The following WDR46 variants were observed in gnomAD, a reference collection of about 807,000 sequenced individuals.
WDR46 encodes WD repeat domain 46.
Under a neutral mutation model 74.7 loss-of-function variants are expected in WDR46, and 58 were observed. The observed-to-expected ratio is 0.78, with a 90% CI of 0.63 to 0.97. The LOEUF (loss-of-function observed/expected upper bound fraction) is 0.97. Ranked by LOEUF, WDR46 falls within the 50% of genes least tolerant of loss-of-function variation. The probability of loss-of-function intolerance (pLI) is 0.00; values close to 1 mark genes in which losing one functional copy is unlikely to be tolerated. For synonymous variants in WDR46, 278 were observed against 297.3 expected (o/e 0.93, Z 0.67); for missense variants, 702 against 790.1 (o/e 0.89, Z 1.34).
chr6:33,282,581 C>T (rs977606773), intron 10 of WDR46, among the ~76,000 whole-genome samples: 1 of 152,206 alleles, frequency 6.6e-6, no homozygotes, highest in Non-Finnish European at 1.5e-5. Flanking sequence ...TACCAGAACA[C>T]CTCTTAAGAA....
intron 10 of WDR46, among the ~76,000 whole-genome samples, chr6:33,282,610 C>T (rs1054275488): frequency 1.3e-5 from 2 of 152,240 alleles, no homozygotes; most frequent in African/African-American, 4.8e-5. Context: ...AGCCTCATCA[C>T]TGGAGCCCCC....
In WDR46 at chr6:33,280,448, C is replaced by A; in HGVS notation, c.1504G>T (p.Val502Leu). The change falls in exon 12 of 15, where the codon GTG (valine) becomes TTG (leucine). Residue 502 changes from valine (V) to leucine (L), a missense_variant. Coordinates refer to ENST00000374617, the MANE Select transcript of WDR46 (RefSeq NM_005452.6). Reference protein sequence around the residue: ...RSRKQRQEWEVKALLEKVPAE... With the variant: ...RSRKQRQEWELKALLEKVPAE... The stretch of plus-strand genomic sequence containing the variant: ...CTCACCTTCTCTAGCAGGGCCTTCA[C>A]CTCCCACTCCTGGCGCTGCTTCCGG... 1 of 1,586,014 alleles carries A rather than the reference C, an allele frequency of 6.3e-7. No individual in the cohort carries two copies. The highest frequency in any genetic ancestry group is 8.6e-7 in the Non-Finnish European group (1 of 1,164,608).
rs1289145103 is a variant in WDR46, at chr6:33,286,816, A to G, written c.1094T>C (p.Val365Ala). The G allele has an allele frequency of 1.2e-6, 2 of 1,614,112 alleles. No homozygotes were observed. The highest frequency in any genetic ancestry group is 1.3e-5 in the African/African-American group (1 of 75,016). The change falls in exon 10 of 15, where the codon GTG (valine) becomes GCG (alanine). Residue 365 changes from valine (V) to alanine (A), a missense_variant. By Grantham distance (64) the Val-to-Ala change is moderately conservative. Coordinates refer to ENST00000374617, the MANE Select transcript of WDR46 (RefSeq NM_005452.6). Reference protein sequence around the residue: ...ILCHRGGVRAVAVDSTGTYMA... With the variant: ...ILCHRGGVRAAAVDSTGTYMA... ...TTACGTGCCTGTAGAATCTACTGCC[A>G]CAGCCCGGACCCCACCACGATGACA...
Position 33,287,349 on chromosome 6 carries a change from A to T in WDR46, c.879+6T>A, listed in dbSNP as rs1766749833. On this transcript the variant is annotated splice_donor_region_variant and intron_variant, in intron 8 of 14. Transcript: ENST00000374617. ...CAACCAGTTCCTGAGCTCCATGGCC[A>T]CTCACAGCTGTAGCCAGGAGGAAGT... 6.2e-7 allele frequency: 1 copy of T among 1,612,416 alleles called. No homozygotes were observed.
intron 10 of WDR46, among the ~76,000 whole-genome samples, chr6:33,285,269 C>G (rs746418496): frequency 6.6e-6 from 1 of 151,832 alleles, no homozygotes; most frequent in Non-Finnish European, 1.5e-5. Context: ...GTGGCATGAT[C>G]ACAGCTCACT....
Position 33,280,855 on chromosome 6 carries a change from C to T in WDR46, c.1248G>A (p.Val416=), listed in dbSNP as rs757130981. The change falls in exon 11 of 15, where the codon GTG becomes GTA. Residue 416 remains valine, a synonymous_variant. Coordinates refer to ENST00000374617, the MANE Select transcript of WDR46 (RefSeq NM_005452.6). ...TGTTGACAACGTCACCCATTCCCGC[C>T]ACCAGCAGTCCCCTCTGGGAGAAGG... ...HLAFSQRGLL[V]AGMGDVVNIW... is the part of the protein sequence containing the mutation. 1 of 1,614,220 alleles carries T rather than the reference C, an allele frequency of 6.2e-7. No homozygotes were observed. The highest frequency in any genetic ancestry group is 2.2e-5 in the East Asian group (1 of 44,880).
At chr6:33,285,793 G>A (rs1766567420) in intron 10 of WDR46, among the ~76,000 whole-genome samples, 1 of 151,596 alleles carries the variant, frequency 6.6e-6, no homozygotes, top group Non-Finnish European at 1.5e-5. Flanking sequence ...CAAAGTGCTG[G>A]GATTACAGGC....
At position 33,288,656 on chromosome 6, in the gene WDR46, C is replaced by T. The variant is rs146022741; in HGVS notation, c.318G>A (p.Val106=). 6.2e-7 allele frequency: 1 copy of T among 1,612,300 alleles called. No homozygotes were observed. The highest frequency in any genetic ancestry group is 8.5e-7 in the Non-Finnish European group (1 of 1,179,454). ...TGCGACAGAACTTCTGGACCACTTC[C>T]ACAGGGACGGGGGCGGGGCCTGGGA... The part of the protein sequence containing the change: ...DPFPGPAPVP[V]EVVQKFCRID... Residue 106 remains valine, a synonymous_variant, in exon 3 of 15, where the codon GTG becomes GTA. Coordinates refer to ENST00000374617, the MANE Select transcript of WDR46 (RefSeq NM_005452.6).
In WDR46 at chr6:33,287,405, G is replaced by C. The variant is rs367702951; in HGVS notation, c.829C>G (p.Arg277Gly). 1.2e-5 allele frequency: 20 copies of C among 1,611,792 alleles called. No individual in the cohort carries two copies. The African/African-American group carries it at 1.8e-4, about 14-fold the overall frequency. Residue 277 changes from arginine (R) to glycine (G), a missense_variant, in exon 8 of 15, where the codon CGA becomes GGA. By Grantham distance (125) the Arg-to-Gly change is moderately radical (BLOSUM62 -2). Coordinates refer to ENST00000374617, the MANE Select transcript of WDR46 (RefSeq NM_005452.6). Reference sequence around the variant, plus strand: ...GGCAGGAACTCAAGCCGTGTTACTCGGTCACAGCGGCGGATACAGTGGAGC... The same window carrying C: ...GGCAGGAACTCAAGCCGTGTTACTCCGTCACAGCGGCGGATACAGTGGAGC... ...IELHCIRRCD[R>G]VTRLEFLPFH...
Position 33,279,544 on chromosome 6 carries a change from C to A in WDR46, c.1687G>T (p.Ala563Ser). The A allele has an allele frequency of 6.2e-7, 1 of 1,614,108 alleles. No homozygotes were observed. The highest frequency in any genetic ancestry group is 8.5e-7 in the Non-Finnish European group (1 of 1,180,046). ...TTCCTCTTCCTCTTCACCAGGCTTG[C>A]CGTGGAGCTGCGGCCCTTCTGCTTT... The part of the protein sequence containing the change: ...KPKQKGRSST[A>S]SLVKRKRKVM... Residue 563 changes from alanine (A) to serine (S), a missense_variant, in exon 14 of 15, where the codon GCA becomes TCA. By Grantham distance (99) the Ala-to-Ser change is moderately conservative. Transcript: ENST00000374617.
At chr6:33,288,055 G>C (rs2150911805) in intron 5 of WDR46, 29 bp from the exon 6 acceptor site, 1 of 1,614,048 alleles carries the variant, frequency 6.2e-7, no homozygotes, top group East Asian at 2.2e-5. Flanking sequence ...AAAAAAAAGA[G>C]TGCCCTGCAG....
chr6:33,288,125 C>G (rs746419961), intron 5 of WDR46, 23 bp downstream of exon 5: 5 of 1,614,208 alleles, frequency 3.1e-6, no homozygotes, highest in Non-Finnish European at 4.2e-6. Flanking sequence ...AATCCCTTGG[C>G]TCCTTTACCT....
At position 33,288,831 on chromosome 6, in the gene WDR46, G is replaced by C. The variant is rs1766973930; in HGVS notation, c.252C>G (p.Asn84Lys). The C allele has an allele frequency of 6.2e-7, 1 of 1,614,098 alleles. No homozygotes were observed. The highest frequency in any genetic ancestry group is 8.5e-7 in the Non-Finnish European group (1 of 1,180,016). ...CGGACAAGCCGCGCTGGGACTCCGG[G>C]TTCTTCCATTCTCGGGGTTTCTTCG... ...QVPKKPREWK[N>K]PESQRGLSGT... The change falls in exon 2 of 15, where the codon AAC (asparagine) becomes AAG (lysine). Residue 84 changes from asparagine (N) to lysine (K), a missense_variant. By Grantham distance (94) the Asn-to-Lys change is moderately conservative (BLOSUM62 0). Coordinates refer to ENST00000374617, the MANE Select transcript of WDR46 (RefSeq NM_005452.6).
Position 33,285,196 on chromosome 6 carries a change from T to C in WDR46, c.1115+1599A>G, listed in dbSNP as rs1766506567. On this transcript the variant is annotated intron_variant, in intron 10 of 14. Transcript: ENST00000374617. ...GTAGATCTGTATTACACAAATATAT[T>C]TGATTATTATTATTTTTTTTTTCTG... Among the ~76,000 whole-genome samples the C allele has an allele frequency of 3.9e-5, 6 of 152,220 alleles. No homozygotes were observed. The South Asian group carries it at 1.2e-3, about 32-fold the overall frequency.
intron 12 of WDR46, 108 bp downstream of exon 12, chr6:33,280,320 A>G: frequency 8.5e-7 from 1 of 1,172,008 alleles, no homozygotes; most frequent in Non-Finnish European, 1.2e-6. Flanking sequence ...AGCAGGGGGG[A>G]ACCTGACCTT....
At chr6:33,288,533 A>AG (rs1410854436) in intron 3 of WDR46, 63 bp from the exon 4 acceptor site, 1 of 1,605,424 alleles carries the variant, frequency 6.2e-7, no homozygotes, top group Non-Finnish European at 8.5e-7. Flanking sequence ...GTCACAGGAG[A>AG]GCTACCTGTC....
chr6:33,288,159 T>C lies in WDR46; in HGVS notation c.550A>G (p.Ser184Gly), dbSNP rs768146120. The C allele has an allele frequency of 3.1e-6, 5 of 1,614,234 alleles. No homozygotes were observed. The highest frequency in any genetic ancestry group is 4.2e-6 in the Non-Finnish European group (5 of 1,180,036). Residue 184 changes from serine (S) to glycine (G), a missense_variant, in exon 5 of 15, where the codon AGT becomes GGT. By Grantham distance (56) the Ser-to-Gly change is moderately conservative. Transcript: ENST00000374617. ...CTCCTCAGGCTCACCTTGGCTGCAC[T>C]TGCAATGTCCACAGCCTCCACAATG... ...ADIVEAVDIA[S>G]AAKHFDLNLR...
At position 33,286,867 on chromosome 6, in the gene WDR46, A is replaced by T; in HGVS notation, c.1043T>A (p.Met348Lys). ...GAGAATCTTTGCCAGTGGCTCCTTCATAGCTGGACTCCATAAAGACACAGT... is the reference window on the plus strand; with the variant it reads ...GAGAATCTTTGCCAGTGGCTCCTTCTTAGCTGGACTCCATAAAGACACAGT... The part of the protein sequence containing the change: ...NGTVSLWSPA[M>K]KEPLAKILCH... The change falls in exon 10 of 15, where the codon ATG (methionine) becomes AAG (lysine). Residue 348 changes from methionine to lysine, a missense_variant. Coordinates refer to ENST00000374617, the MANE Select transcript of WDR46 (RefSeq NM_005452.6). The T allele has an allele frequency of 6.2e-7, 1 of 1,614,168 alleles. No homozygotes were observed. The highest frequency in any genetic ancestry group is 1.1e-5 in the South Asian group (1 of 91,084).
intron 10 of WDR46, among the ~76,000 whole-genome samples, chr6:33,282,926 CA>C (rs1317924963): frequency 1.3e-5 from 2 of 152,202 alleles, no homozygotes; most frequent in East Asian, 3.9e-4. Context: ...GATACAATTA[CA>C]AAGGCCAGAC....
Sources: gnomAD v4.1 joint callset for allele counts (sites outside exome capture counted in the v4.1 genomes callset) on GRCh38, gnomAD v4.1.1 for gene constraint, MANE v1.5 for transcripts, NCBI Gene and HGNC (gene_info 2026-07-23, HGNC 2026-07-21) for gene names.